The following DHRSX variants were observed in gnomAD, a reference collection of about 807,000 sequenced individuals.
DHRSX encodes the protein dehydrogenase/reductase X-linked, also known as polyprenol dehydrogenase.
In DHRSX, 31 loss-of-function variants were observed where a neutral mutation model predicts 34.0. That is an observed-to-expected ratio of 0.91 (90% confidence interval 0.69 to 1.23). The LOEUF is 1.23. Among genes scored for constraint, DHRSX ranks in the 50% most tolerant of loss-of-function variants. DHRSX has a pLI of 0.00. For missense variants in DHRSX, 414 were observed against 428.1 expected (o/e 0.97, Z 0.29); for synonymous variants, 201 against 183.8 (o/e 1.09, Z -0.76).
intron 3 of DHRSX, among the ~76,000 whole-genome samples, chrX:2,403,639 G>T (rs2043515067): frequency 6.6e-6 from 1 of 152,088 alleles, no homozygotes. Context: ...GTGGATATCT[G>T]AGGTCAAGAG....
intron 3 of DHRSX, among the ~76,000 whole-genome samples, chrX:2,383,713 G>C (rs1180378858): frequency 6.6e-6 from 1 of 152,168 alleles, no homozygotes; most frequent in Non-Finnish European, 1.5e-5. Flanking sequence ...AACAACCAAC[G>C]ATACAATGTG....
intron 1 of DHRSX, among the ~76,000 whole-genome samples, chrX:2,491,130 C>T (rs968341421): frequency 2.2e-5 from 3 of 138,904 alleles, no homozygotes; most frequent in Admixed American, 1.6e-4. Flanking sequence ...AGTGCAATGG[C>T]GTGATCTCAG....
At chrX:2,410,124 G>A (rs1039621271) in intron 2 of DHRSX, among the ~76,000 whole-genome samples, 8 of 152,244 alleles carry the variant, frequency 5.3e-5, no homozygotes, top group South Asian at 2.1e-4. Flanking sequence ...TCTTTGACCC[G>A]GGAGGTTGGA....
At chrX:2,237,064 C>G (rs2016034049) in intron 6 of DHRSX, among the ~76,000 whole-genome samples, 2 of 151,906 alleles carry the variant, frequency 1.3e-5, no homozygotes, top group Non-Finnish European at 2.9e-5. Flanking sequence ...TGGGAGGTAG[C>G]TGAGGTCCCA....
At chrX:2,295,028 G>A (rs991894195) in intron 3 of DHRSX, among the ~76,000 whole-genome samples, 1 of 152,110 alleles carries the variant, frequency 6.6e-6, no homozygotes, top group Non-Finnish European at 1.5e-5. Flanking sequence ...GATTCCTCAA[G>A]GATCTAGAAC....
chrX:2,428,143 C>T (rs1473745354), intron 1 of DHRSX, among the ~76,000 whole-genome samples: 2 of 152,138 alleles, frequency 1.3e-5, no homozygotes, highest in Admixed American at 6.5e-5. Flanking sequence ...TGAGAAATTA[C>T]CTATTGGCTA....
chrX:2,424,499 T>C (rs1452174675), intron 2 of DHRSX, among the ~76,000 whole-genome samples: 2 of 152,160 alleles, frequency 1.3e-5, no homozygotes, highest in South Asian at 2.1e-4. Context: ...GAACCAGCCC[T>C]ACTTACACTG....
chrX:2,346,685 G>C (rs745392642), intron 3 of DHRSX, among the ~76,000 whole-genome samples: 3 of 151,644 alleles, frequency 2.0e-5, no homozygotes, highest in South Asian at 2.1e-4. Context: ...TTAAGTCCTG[G>C]GGTACATGTG....
chrX:2,438,913 G>A (rs1490722225), intron 1 of DHRSX, among the ~76,000 whole-genome samples: 4 of 151,954 alleles, frequency 2.6e-5, no homozygotes, highest in African/African-American at 7.2e-5. Flanking sequence ...TTGAGAGGCC[G>A]AGGTGGGTGG....
Position 2,260,747 on chromosome X carries a change from C to T in DHRSX, c.596+5993G>A, listed in dbSNP as rs752000968. On this transcript the variant is annotated intron_variant, in intron 5 of 6. Coordinates refer to ENST00000334651, the MANE Select transcript of DHRSX (RefSeq NM_145177.3). ...AAGTGCTGGGATGACAGGCATGAGC[C>T]AGTGTGCCCAGGTATTTTCTACTTC... Among the ~76,000 whole-genome samples, 5 of 152,270 alleles carry T rather than the reference C, an allele frequency of 3.3e-5. No homozygotes were observed. The South Asian group carries it at 1.0e-3, about 32-fold the overall frequency.
intron 6 of DHRSX, among the ~76,000 whole-genome samples, chrX:2,233,638 G>A (rs1236754630): frequency 6.6e-6 from 1 of 152,102 alleles, no homozygotes; most frequent in Non-Finnish European, 1.5e-5. Flanking sequence ...TCCAATGAAT[G>A]TTTATTAAAT....
chrX:2,479,411 T>G (rs1045941656), intron 1 of DHRSX, among the ~76,000 whole-genome samples: 7 of 149,512 alleles, frequency 4.7e-5, no homozygotes, highest in African/African-American at 1.5e-4. Context: ...ACCACCACCA[T>G]GTGCACACTG....
chrX:2,409,460 G>A (rs1411779443), intron 2 of DHRSX, among the ~76,000 whole-genome samples: 22 of 152,258 alleles, frequency 1.4e-4, no homozygotes, highest in Middle Eastern at 3.4e-3. Flanking sequence ...GGTGTGGGAT[G>A]TTCCCCTCCC....
chrX:2,271,309 A>G (rs1212794689), intron 4 of DHRSX, among the ~76,000 whole-genome samples: 1 of 152,218 alleles, frequency 6.6e-6, no homozygotes, highest in South Asian at 2.1e-4. Context: ...TCTTGAAGTC[A>G]GCGAGACCAA....
At position 2,360,144 on chromosome X, in the gene DHRSX, C is replaced by T. The variant is rs751379842; in HGVS notation, c.286+48601G>A. ...AAGGTTGGGGTGATGAGGCATGAAG[C>T]TTCCCTGAGTGCAAAAGAACTCACC... On this transcript the variant is annotated intron_variant, in intron 3 of 6. Transcript: ENST00000334651. 4.5e-4 allele frequency among the ~76,000 whole-genome samples: 69 copies of T among 152,154 alleles called. No homozygotes were observed. In the South Asian group the frequency reaches 0.013, roughly 30 times the overall value.
intron 5 of DHRSX, among the ~76,000 whole-genome samples, chrX:2,252,882 TGACAAAAGTC>T (rs1399028093): frequency 3.3e-5 from 5 of 152,200 alleles, no homozygotes; most frequent in African/African-American, 1.2e-4. Flanking sequence ...CTAAGGACTC[TGACAAAAGTC>T]GTTGGTATTA....
chrX:2,480,450 G>A (rs1467692436), intron 1 of DHRSX, among the ~76,000 whole-genome samples: 1 of 150,828 alleles, frequency 6.6e-6, no homozygotes, highest in South Asian at 2.1e-4. Flanking sequence ...GGAAGGCTGA[G>A]GAAGGAGGAT....
intron 1 of DHRSX, among the ~76,000 whole-genome samples, chrX:2,444,097 A>G (rs1257373144): frequency 1.3e-5 from 2 of 151,868 alleles, no homozygotes; most frequent in Non-Finnish European, 2.9e-5. Flanking sequence ...ATAACCTACC[A>G]TCACCGTTTT....
intron 3 of DHRSX, among the ~76,000 whole-genome samples, chrX:2,374,011 A>C (rs1334171523): frequency 6.6e-6 from 1 of 152,218 alleles, no homozygotes; most frequent in Non-Finnish European, 1.5e-5. Context: ...ACAGTCGTGC[A>C]TGGAATGAGG....
Sources: gnomAD v4.1 joint callset for allele counts (sites outside exome capture counted in the v4.1 genomes callset) on GRCh38, gnomAD v4.1.1 for gene constraint, MANE v1.5 for transcripts, NCBI Gene and HGNC (gene_info 2026-07-23, HGNC 2026-07-21) for gene names.